Variants in EFHC2 observed in about 807,000 individuals in gnomAD.
The protein encoded by EFHC2 is EF-hand domain containing 2, also known as EF-hand domain-containing family member C2.
A neutral mutation model predicts 52.7 loss-of-function variants in EFHC2; 18 were observed. The ratio of observed to expected loss-of-function variants is 0.34; its 90% CI spans 0.24 to 0.51. The LOEUF (loss-of-function observed/expected upper bound fraction) is 0.51, where lower values mean the gene tolerates loss of function less well. Among genes scored for constraint, EFHC2 ranks in the 20% least tolerant of loss-of-function variants. The probability of loss-of-function intolerance (pLI) is 0.97; values close to 1 mark genes in which losing one functional copy is unlikely to be tolerated. For missense variants in EFHC2, 513 were observed against 562.5 expected (o/e 0.91, Z 0.89); for synonymous variants, 203 against 204.1 (o/e 0.99, Z 0.04).
Position 44,235,294 on chromosome X carries a change from A to G in EFHC2, c.1423+11T>C, listed in dbSNP as rs2147324846. The G allele has an allele frequency of 1.7e-6, 2 of 1,154,043 alleles. No homozygotes were observed. Among genetic ancestry groups the G allele is most frequent in the Non-Finnish European group, 2.3e-6 (2 of 865,449 alleles). The stretch of plus-strand genomic sequence containing the variant: ...TTCTCAAGAAAATACTGTGAAGAGT[A>G]TATCTCTTACCTGAATTCCTCTCTA... On this transcript the variant is annotated intron_variant, in intron 9 of 14. Transcript: ENST00000420999.
At chrX:44,248,734 A>G (rs1275417528) in intron 6 of EFHC2, 69 bp downstream of exon 6, 1 of 848,211 alleles carries the variant, frequency 1.2e-6, no homozygotes, top group Non-Finnish European at 1.7e-6. Context: ...AGAGTACGTA[A>G]CTCGCCCCAC....
intron 3 of EFHC2, among the ~76,000 whole-genome samples, chrX:44,261,754 C>CA (rs769527844): frequency 0.2 from 6,430 of 31,807 alleles, 608 homozygotes; most frequent in Admixed American, 0.3. Flanking sequence ...ACTCATGGCT[C>CA]AAAAAAAAAA....
chrX:44,251,194 G>A (rs1170187566), intron 4 of EFHC2, among the ~76,000 whole-genome samples: 3 of 89,453 alleles, frequency 3.4e-5, no homozygotes, highest in East Asian at 3.6e-4. Flanking sequence ...AGCAGAGATC[G>A]CGCCACTGCA....
At chrX:44,218,496 G>C (rs1410244627) in intron 11 of EFHC2, among the ~76,000 whole-genome samples, 1 of 111,133 alleles carries the variant, frequency 9.0e-6, no homozygotes, top group Non-Finnish European at 1.9e-5. Flanking sequence ...AAATATGCTG[G>C]CCCATAATAT....
intron 8 of EFHC2, among the ~76,000 whole-genome samples, chrX:44,240,206 C>A (rs1302227919): frequency 2.7e-5 from 3 of 112,018 alleles, no homozygotes; most frequent in East Asian, 5.6e-4. Flanking sequence ...AAGTCTCCAG[C>A]CGAATGTGCT....
At chrX:44,280,671 T>G (rs1159334046) in intron 2 of EFHC2, among the ~76,000 whole-genome samples, 1 of 112,017 alleles carries the variant, frequency 8.9e-6, no homozygotes, top group African/African-American at 3.2e-5. Flanking sequence ...ATTTAAAATA[T>G]TCTTATGTGT....
At chrX:44,224,675 A>G (rs1020979455) in intron 11 of EFHC2, among the ~76,000 whole-genome samples, 12 of 112,684 alleles carry the variant, frequency 1.1e-4, no homozygotes, top group Non-Finnish European at 2.1e-4. Flanking sequence ...CACTATGTTC[A>G]TTGAGGTCTG....
intron 1 of EFHC2, among the ~76,000 whole-genome samples, chrX:44,330,642 C>A (rs1278654995): frequency 8.9e-6 from 1 of 111,761 alleles, no homozygotes; most frequent in African/African-American, 3.3e-5. Context: ...TGTACTCTAG[C>A]CTGGGCAACA....
chrX:44,301,109 CAAAAAAA>C (rs777876518), intron 2 of EFHC2, among the ~76,000 whole-genome samples: 2 of 42,804 alleles, frequency 4.7e-5, no homozygotes, highest in African/African-American at 9.1e-5. Context: ...GACTCTATCT[CAAAAAAA>C]AAAAAAAAAA....
At chrX:44,302,403 G>A (rs914869776) in intron 2 of EFHC2, among the ~76,000 whole-genome samples, 3 of 111,990 alleles carry the variant, frequency 2.7e-5, no homozygotes, top group African/African-American at 6.5e-5. Context: ...TTAGTAAAAG[G>A]CTCATTTATG....
chrX:44,214,948 T>C (rs1046850067), intron 11 of EFHC2, among the ~76,000 whole-genome samples: 4 of 111,742 alleles, frequency 3.6e-5, no homozygotes, highest in Admixed American at 2.8e-4. Context: ...CACCCAAATC[T>C]TATGTTGAAT....
chrX:44,190,563 TTTGTGTTTTCAG>T (rs747508138), intron 11 of EFHC2, among the ~76,000 whole-genome samples: 1 of 111,727 alleles, frequency 9.0e-6, no homozygotes, highest in South Asian at 3.8e-4. Context: ...GTCATCTTAT[TTTGTGTTTTCAG>T]TTTTTCATGT....
intron 1 of EFHC2, among the ~76,000 whole-genome samples, chrX:44,329,266 G>C (rs1351091947): frequency 9.0e-6 from 1 of 110,598 alleles, no homozygotes; most frequent in Non-Finnish European, 1.9e-5. Flanking sequence ...TTATATATTA[G>C]GAAAAACAAA....
At chrX:44,234,780 A>G (rs1339140051) in intron 9 of EFHC2, among the ~76,000 whole-genome samples, 1 of 111,790 alleles carries the variant, frequency 8.9e-6, no homozygotes, top group East Asian at 2.8e-4. Flanking sequence ...CCAGCATATT[A>G]CAGAGAGGCA....
chrX:44,251,089 A>G (rs2147336973), intron 4 of EFHC2, among the ~76,000 whole-genome samples: 1 of 105,311 alleles, frequency 9.5e-6, no homozygotes, highest in South Asian at 4.4e-4. Flanking sequence ...ATACAAAAAA[A>G]TTAGCCGGGC....
In EFHC2 at chrX:44,248,258, T is replaced by C. The variant is rs763463592; in HGVS notation, c.1111+14A>G. 6 of 1,104,912 alleles carry C rather than the reference T, an allele frequency of 5.4e-6. No individual in the cohort carries two copies. The highest frequency in any genetic ancestry group is 7.2e-6 in the Non-Finnish European group (6 of 828,340). 91.1% of individuals were successfully genotyped at this position (1,104,912 alleles called of 1,213,427 possible). ...ATTTTAAAAATATTTTTAATTGACA[T>C]ATGTATCACTTACCAATTCCATATT... is the stretch of plus-strand genomic sequence containing the variant. On this transcript the variant is annotated intron_variant, in intron 7 of 14. Transcript: ENST00000420999.
chrX:44,308,955 A>G (rs1313282266), intron 2 of EFHC2, among the ~76,000 whole-genome samples: 1 of 112,681 alleles, frequency 8.9e-6, no homozygotes, highest in Non-Finnish European at 1.9e-5. Flanking sequence ...TTAAGTAAAC[A>G]TTGAAATCTG....
At chrX:44,264,213 T>C (rs765619956) in intron 3 of EFHC2, among the ~76,000 whole-genome samples, 1 of 112,207 alleles carries the variant, frequency 8.9e-6, no homozygotes, top group Non-Finnish European at 1.9e-5. Flanking sequence ...CTGAGCTGTA[T>C]CTCACTGTAC....
intron 1 of EFHC2, among the ~76,000 whole-genome samples, chrX:44,336,751 A>G (rs770308986): frequency 7.9e-4 from 89 of 112,393 alleles, no homozygotes; most frequent in African/African-American, 2.7e-3. Flanking sequence ...GCTTATTTCA[A>G]GCTTGACCCG....
Sources: allele counts gnomAD v4.1 joint callset (sites outside exome capture counted in the v4.1 genomes callset), GRCh38; gene constraint gnomAD v4.1.1; transcripts MANE v1.5; gene names NCBI Gene and HGNC (gene_info 2026-07-23, HGNC 2026-07-21).